The following STRBP variants were observed in gnomAD, a reference collection of about 807,000 sequenced individuals.
STRBP encodes the protein spermatid perinuclear RNA-binding protein.
Under a neutral mutation model 80.1 loss-of-function variants are expected in STRBP, and 13 were observed. The ratio of observed to expected loss-of-function variants is 0.16; its 90% CI spans 0.11 to 0.26. STRBP has a LOEUF of 0.26. Ranked by LOEUF, STRBP falls within the 10% of genes least tolerant of loss-of-function variation. STRBP has a pLI of 1.00. For synonymous variants in STRBP, 284 were observed against 291.2 expected, an observed-to-expected ratio of 0.98 and a Z score of 0.25; for missense variants, 485 against 815.2, an observed-to-expected ratio of 0.59 and a Z score of 4.93.
chr9:123,153,014 A>G (rs567104455), intron 11 of STRBP, among the ~76,000 whole-genome samples: 2 of 152,166 alleles, frequency 1.3e-5, no homozygotes, highest in Non-Finnish European at 2.9e-5. Context: ...TTTAAGATAA[A>G]AAGTTGAAGA....
At chr9:123,158,450 A>G (rs369926914) in intron 9 of STRBP, 21 bp from the exon 10 acceptor site, 19 of 1,606,494 alleles carry the variant, frequency 1.2e-5, no homozygotes, top group Non-Finnish European at 1.6e-5. Context: ...GGAAAAACAC[A>G]AGTATCATTT....
chr9:123,160,520 C>A, intron 7 of STRBP, 58 bp from the exon 8 acceptor site: 1 of 1,300,746 alleles, frequency 7.7e-7, no homozygotes, highest in Non-Finnish European at 1.0e-6. Flanking sequence ...TCATTTTGGG[C>A]AAGTTCTTTC....
intron 2 of STRBP, among the ~76,000 whole-genome samples, chr9:123,216,670 A>C (rs2039908111): frequency 6.6e-6 from 1 of 152,230 alleles, no homozygotes; most frequent in Non-Finnish European, 1.5e-5. Flanking sequence ...GATAAAGGGA[A>C]CTACCCATAT....
chr9:123,136,695 CAAGCAGTAAACATT>C lies in STRBP; in HGVS notation c.1498-194_1498-181del, dbSNP rs1236964588. On this transcript the variant is annotated intron_variant, in intron 14 of 18. Transcript: ENST00000348403. The surrounding 1 kb of genome is among the most constrained non-coding windows in gnomAD (Gnocchi z 4.2). ...TATCATTAAAGCTGTAAAAACTCTACAAGCAGTAAACATTGCAGTCATCTGGCCAGCCTTCCTTC... is the reference window on the plus strand; with the variant it reads ...TATCATTAAAGCTGTAAAAACTCTACGCAGTCATCTGGCCAGCCTTCCTTC... Among the ~76,000 whole-genome samples the C allele has an allele frequency of 9.9e-5, 15 of 152,196 alleles. No homozygotes were observed. Among genetic ancestry groups the C allele is most frequent in the Non-Finnish European group, 4.4e-5 (3 of 68,042 alleles).
At chr9:123,167,614 T>G (rs1248143133) in intron 6 of STRBP, among the ~76,000 whole-genome samples, 5 of 152,142 alleles carry the variant, frequency 3.3e-5, no homozygotes, top group Middle Eastern at 3.4e-3. Context: ...GGCTGGGATG[T>G]TAAGGACAAC....
chr9:123,222,719 C>A (rs2040105331), intron 2 of STRBP, among the ~76,000 whole-genome samples: 1 of 152,124 alleles, frequency 6.6e-6, no homozygotes, highest in Non-Finnish European at 1.5e-5. Context: ...GCCTATGCCT[C>A]TTAAAGAAGT....
intron 16 of STRBP, among the ~76,000 whole-genome samples, chr9:123,135,477 A>G (rs565714321): frequency 2.6e-5 from 4 of 152,342 alleles, no homozygotes; most frequent in Admixed American, 2.6e-4. Flanking sequence ...ATCCACAAGC[A>G]TGTAATTAGA....
At position 123,139,576 on chromosome 9, in the gene STRBP, T is replaced by C. The variant is rs761407825; in HGVS notation, c.1450A>G (p.Ser484Gly). ...SKNETVSSNS[S>G]NNTGNSTTET... is the part of the protein sequence containing the mutation. ...GTTGTAGAATTTCCAGTATTATTGC[T>C]TGAGTTTGAAGACACTGTTTCATTT... is the stretch of plus-strand genomic sequence containing the variant. The change falls in exon 14 of 19, where the codon AGC becomes GGC. Residue 484 changes from serine to glycine, a missense_variant. Physicochemically the swap from Ser to Gly is moderately conservative, Grantham distance 56. Around this residue, in one of 3 missense-constraint regions of STRBP, gnomAD observed 377 missense variants for 616.1 expected, o/e 0.61. Coordinates refer to ENST00000348403, the MANE Select transcript of STRBP (RefSeq NM_018387.5). 6.2e-7 allele frequency: 1 copy of C among 1,612,972 alleles called. No homozygotes were observed. Among genetic ancestry groups the C allele is most frequent in the South Asian group, 1.1e-5 (1 of 90,928 alleles).
intron 1 of STRBP, among the ~76,000 whole-genome samples, chr9:123,237,795 T>C (rs1174243898): frequency 1.3e-5 from 2 of 152,102 alleles, no homozygotes; most frequent in Non-Finnish European, 1.5e-5. Context: ...GGTGCAACTA[T>C]AAAATCCCAA....
chr9:123,226,661 A>C (rs970999002), intron 2 of STRBP, among the ~76,000 whole-genome samples: 3 of 152,202 alleles, frequency 2.0e-5, no homozygotes, highest in African/African-American at 7.2e-5. Flanking sequence ...ATATATCTTG[A>C]ATGGTTACTA....
chr9:123,161,214 G>T, intron 6 of STRBP, 146 bp from the exon 7 acceptor site: 2 of 605,750 alleles, frequency 3.3e-6, no homozygotes, highest in Non-Finnish European at 5.7e-6. Context: ...TGGCTGTGTT[G>T]CTTTTTAAAA....
intron 2 of STRBP, among the ~76,000 whole-genome samples, chr9:123,197,277 C>T (rs887147978): frequency 6.6e-6 from 1 of 151,684 alleles, no homozygotes; most frequent in Admixed American, 6.6e-5. Context: ...TATATGGGTA[C>T]AAAAAACATA....
At chr9:123,250,848 TGG>T (rs2040898513) in intron 1 of STRBP, among the ~76,000 whole-genome samples, 1 of 152,208 alleles carries the variant, frequency 6.6e-6, no homozygotes, top group Admixed American at 6.5e-5. Flanking sequence ...CTGGCTACAG[TGG>T]CTCACACCTA....
At chr9:123,135,967 C>T in intron 16 of STRBP, 74 bp downstream of exon 16, 2 of 1,578,462 alleles carry the variant, frequency 1.3e-6, no homozygotes, top group South Asian at 1.2e-5. Context: ...TAAAGTGCCA[C>T]ATGGACAGGA....
intron 1 of STRBP, among the ~76,000 whole-genome samples, chr9:123,242,424 C>T (rs1373326576): frequency 6.6e-6 from 1 of 152,082 alleles, no homozygotes; most frequent in African/African-American, 2.4e-5. Context: ...TTTCAGAGGC[C>T]AAGGTGGGCA....
At chr9:123,258,128 GTTCA>G (rs768999618) in intron 1 of STRBP, among the ~76,000 whole-genome samples, 1 of 152,088 alleles carries the variant, frequency 6.6e-6, no homozygotes, top group Non-Finnish European at 1.5e-5. Flanking sequence ...TAATAAAATA[GTTCA>G]TTCAAATACT....
At chr9:123,189,708 G>T (rs1331978313) in intron 2 of STRBP, among the ~76,000 whole-genome samples, 1 of 151,614 alleles carries the variant, frequency 6.6e-6, no homozygotes, top group Non-Finnish European at 1.5e-5. Flanking sequence ...TGGGGTGGGG[G>T]GCTGGGGGAG....
At chr9:123,138,518 C>G (rs145279316) in intron 14 of STRBP, among the ~76,000 whole-genome samples, 30 of 152,352 alleles carry the variant, frequency 2.0e-4, no homozygotes, top group Admixed American at 1.9e-3. Context: ...GTCCAGAATG[C>G]TTTCTCTTCC....
intron 13 of STRBP, among the ~76,000 whole-genome samples, chr9:123,140,542 G>A (rs780805901): frequency 7.9e-5 from 12 of 151,944 alleles, no homozygotes; most frequent in Admixed American, 2.0e-4. Context: ...TGCAGTGAGC[G>A]GAGATTGCGC....
Sources: gnomAD v4.1 joint callset for allele counts (sites outside exome capture counted in the v4.1 genomes callset) on GRCh38, gnomAD v4.1.1 for gene constraint, gnomAD v4.1.1 regional missense constraint, Gnocchi (gnomAD v3.1) non-coding constraint, MANE v1.5 for transcripts, NCBI Gene and HGNC (gene_info 2026-07-23, HGNC 2026-07-21) for gene names.